The following PACS2 variants were observed in gnomAD, a reference collection of about 807,000 sequenced individuals.
PACS2 encodes phosphofurin acidic cluster sorting protein 2.
In PACS2, 36 loss-of-function variants were observed where a neutral mutation model predicts 113.0. That is an observed-to-expected ratio of 0.32 (90% CI 0.24 to 0.42). PACS2 has a LOEUF of 0.42. Among genes scored for constraint, PACS2 ranks in the 10% least tolerant of loss-of-function variants. The pLI, the probability that PACS2 is intolerant of heterozygous loss-of-function variation, is 1.00. For synonymous variants in PACS2, 589 were observed against 536.1 expected (o/e 1.10, Z -1.36); for missense variants, 1,015 against 1,239.5 (o/e 0.82, Z 2.72).
At position 105,348,389 on chromosome 14, in the gene PACS2, C is replaced by G; in HGVS notation, c.120-104C>G. ...CCAGGCAGTCACACCCCGCCCTGCACCCCAGGGTGCAGGCTCCCGGGGTGA... is the reference window on the plus strand; with the variant it reads ...CCAGGCAGTCACACCCCGCCCTGCAGCCCAGGGTGCAGGCTCCCGGGGTGA... On this transcript the variant is annotated intron_variant, in intron 1 of 24. Coordinates refer to ENST00000447393, the MANE Select transcript of PACS2 (RefSeq NM_001100913.3). The surrounding 1 kb of genome is among the most constrained non-coding windows in gnomAD (Gnocchi z 6.4). The G allele has an allele frequency of 1.2e-6, 1 of 841,000 alleles. No individual in the cohort carries two copies. Among genetic ancestry groups the G allele is most frequent in the Admixed American group, 2.2e-5 (1 of 45,454 alleles). The allele number at this position is 841,000 out of a possible 1,614,324, so 52.1% of individuals were successfully genotyped here. A position where few individuals can be genotyped will look rare whatever the true frequency, so the allele number is the denominator to read the frequency against.
At chr14:105,372,284 T>C (rs1048916050) in intron 8 of PACS2, 3 of 152,252 alleles carry the variant, frequency 2.0e-5, no homozygotes, top group Non-Finnish European at 4.4e-5. Context: ...TCTGAATTTT[T>C]CATTGTAAAA....
chr14:105,315,096 G>A lies in PACS2; in HGVS notation c.119+59G>A, dbSNP rs2058511436. The A allele has an allele frequency of 9.9e-6, 10 of 1,014,534 alleles. No individual in the cohort carries two copies. Among genetic ancestry groups the A allele is most frequent in the African/African-American group, 1.7e-5 (1 of 57,348 alleles). The allele number at this position is 1,014,534 out of a possible 1,614,324, so 62.8% of individuals were successfully genotyped here. A position where few individuals can be genotyped will look rare whatever the true frequency, so the allele number is the denominator to read the frequency against. On this transcript the variant is annotated intron_variant, in intron 1 of 24. Transcript: ENST00000447393. This position sits in a 1 kb window ranked among gnomAD's most constrained non-coding sequence, Gnocchi z 4.4. The stretch of plus-strand genomic sequence containing the variant: ...GGCACCTGCTGGGGGTGTCCTGGCC[G>A]CGGCCTCTGCGCGCCCCATCCCCGG...
intron 22 of PACS2, 48 bp from the exon 23 acceptor site, chr14:105,392,571 A>G (rs2081396588): frequency 1.3e-6 from 2 of 1,489,534 alleles, no homozygotes; most frequent in East Asian, 4.9e-5. Flanking sequence ...TGTCCCCATC[A>G]CTAGGCCCAA....
chr14:105,392,908 C>A, intron 23 of PACS2, 63 bp downstream of exon 23: 1 of 1,333,258 alleles, frequency 7.5e-7, no homozygotes. Flanking sequence ...GAGAGGGCGG[C>A]TCGCAGTCAA....
At chr14:105,360,494 G>A (rs1595693732) in intron 4 of PACS2, among the ~76,000 whole-genome samples, 1 of 148,922 alleles carries the variant, frequency 6.7e-6, no homozygotes, top group South Asian at 2.1e-4. Context: ...AGTGAGCCGA[G>A]ATCACGCCAC....
intron 1 of PACS2, among the ~76,000 whole-genome samples, chr14:105,341,873 A>G (rs1301914080): frequency 6.6e-6 from 1 of 152,182 alleles, no homozygotes; most frequent in Non-Finnish European, 1.5e-5. Flanking sequence ...CGGGACCGCA[A>G]GCTGCGACTT....
chr14:105,341,840 C>G (rs1555401650), intron 1 of PACS2, among the ~76,000 whole-genome samples: 1 of 152,208 alleles, frequency 6.6e-6, no homozygotes, highest in Admixed American at 6.5e-5. Context: ...GCCACGTTCC[C>G]CCTGGGCAGG....
chr14:105,305,676 G>A (rs1278560485), intron 1 of PACS2, among the ~76,000 whole-genome samples: 3 of 152,220 alleles, frequency 2.0e-5, no homozygotes, highest in Non-Finnish European at 4.4e-5. Context: ...CAGGTTAGAG[G>A]GAGAATGCGG....
Position 105,337,964 on chromosome 14 carries a change from G to A in PACS2, c.120-10529G>A, listed in dbSNP as rs782448521. On this transcript the variant is annotated intron_variant, in intron 1 of 24. Coordinates refer to ENST00000447393, the MANE Select transcript of PACS2 (RefSeq NM_001100913.3). ...CCCTCCAGTCTCTGGTTTGCATCAT[G>A]CACAGGAGTGGGTGGGTGGGAGTTT... 3.3e-5 allele frequency among the ~76,000 whole-genome samples: 5 copies of A among 152,352 alleles called. No homozygotes were observed. The Middle Eastern group carries it at 0.014, about 415-fold the overall frequency.
At chr14:105,374,245 T>C (rs1269389934) in intron 8 of PACS2, among the ~76,000 whole-genome samples, 4 of 152,038 alleles carry the variant, frequency 2.6e-5, no homozygotes, top group Non-Finnish European at 5.9e-5. Context: ...GCCAATCTTA[T>C]GACCTTGGGT....
At chr14:105,389,104 G>T (rs781839551) in intron 19 of PACS2, 1 of 152,318 alleles carries the variant, frequency 6.6e-6, no homozygotes, top group Non-Finnish European at 1.5e-5. Flanking sequence ...GCAGGAGCCT[G>T]TGCGAGCTGG....
chr14:105,337,004 A>G (rs991656445), intron 1 of PACS2, among the ~76,000 whole-genome samples: 1 of 152,196 alleles, frequency 6.6e-6, no homozygotes, highest in Non-Finnish European at 1.5e-5. Flanking sequence ...CGGACAAACA[A>G]GTCAGCACCA....
intron 4 of PACS2, among the ~76,000 whole-genome samples, chr14:105,364,457 G>C (rs2060870094): frequency 7.1e-6 from 1 of 141,658 alleles, no homozygotes; most frequent in African/African-American, 2.6e-5. Flanking sequence ...CGGGTGCGCG[G>C]TGGGCGGCGT....
chr14:105,304,931 T>C (rs947757339), intron 1 of PACS2, among the ~76,000 whole-genome samples: 2 of 152,196 alleles, frequency 1.3e-5, no homozygotes, highest in Non-Finnish European at 2.9e-5. Context: ...CTCCACAATA[T>C]GTGGGAATTC....
intron 4 of PACS2, among the ~76,000 whole-genome samples, chr14:105,363,841 C>T (rs2060822358): frequency 6.6e-6 from 1 of 152,104 alleles, no homozygotes; most frequent in South Asian, 2.1e-4. Flanking sequence ...ATGTGCAACC[C>T]CTCCTTTCAC....
intron 17 of PACS2, among the ~76,000 whole-genome samples, 164 bp downstream of exon 17, chr14:105,384,627 C>T (rs2081110642): frequency 6.6e-6 from 1 of 152,352 alleles, no homozygotes; most frequent in East Asian, 1.9e-4. Context: ...CTCCTATTCC[C>T]CTGAGCCTTG....
At chr14:105,316,588 C>T (rs1028144341) in intron 1 of PACS2, among the ~76,000 whole-genome samples, 2 of 152,176 alleles carry the variant, frequency 1.3e-5, no homozygotes, top group African/African-American at 4.8e-5. Context: ...AGTCTTTAAC[C>T]CAAGGGAGGT....
At position 105,396,305 on chromosome 14, in the gene PACS2, G is replaced by A. The variant is rs1288850595; in HGVS notation, c.*1633G>A. The A allele has an allele frequency of 6.6e-6, 1 of 152,278 alleles. No homozygotes were observed. Among genetic ancestry groups the A allele is most frequent in the African/African-American group, 2.4e-5 (1 of 41,424 alleles). The allele number at this position is 152,278 out of a possible 1,614,324, so 9.4% of individuals were successfully genotyped here. A position where few individuals can be genotyped will look rare whatever the true frequency, so the allele number is the denominator to read the frequency against. On this transcript the variant is annotated 3_prime_UTR_variant, in exon 25 of 25. Coordinates refer to ENST00000447393, the MANE Select transcript of PACS2 (RefSeq NM_001100913.3). ...AGGAGCCTGGGGCACACCCCAGGGTGGGGGAGAGGGTAGGAAGGTCTCCCA... is the reference window on the plus strand; with the variant it reads ...AGGAGCCTGGGGCACACCCCAGGGTAGGGGAGAGGGTAGGAAGGTCTCCCA...
At chr14:105,345,276 G>A (rs913189440) in intron 1 of PACS2, among the ~76,000 whole-genome samples, 7 of 151,774 alleles carry the variant, frequency 4.6e-5, no homozygotes, top group Admixed American at 6.6e-5. Flanking sequence ...GTGTGATGTC[G>A]GGCGCCTGTA....
Sources: allele counts gnomAD v4.1 joint callset (sites outside exome capture counted in the v4.1 genomes callset), GRCh38; gene constraint gnomAD v4.1.1; non-coding constraint Gnocchi (gnomAD v3.1); transcripts MANE v1.5; gene names NCBI Gene and HGNC (gene_info 2026-07-23, HGNC 2026-07-21).